The following TENT2 variants were observed in gnomAD, a reference collection of about 807,000 sequenced individuals.
TENT2 encodes terminal nucleotidyltransferase 2.
TENT2 carries 44 observed loss-of-function variants against 72.2 expected under a neutral mutation model. That is an observed-to-expected ratio of 0.61 (90% CI 0.48 to 0.78). TENT2 has a LOEUF of 0.78. Among genes scored for constraint, TENT2 ranks in the 30% least tolerant of loss-of-function variants. TENT2 has a pLI of 0.00. For missense variants in TENT2, 541 were observed against 569.6 expected (o/e 0.95, Z 0.51); for synonymous variants, 212 against 192.5 (o/e 1.10, Z -0.84).
chr5:79,622,415 G>A (rs1196710200), intron 3 of TENT2, among the ~76,000 whole-genome samples: 2 of 152,246 alleles, frequency 1.3e-5, no homozygotes, highest in East Asian at 3.9e-4. Context: ...TGAAGTAAAT[G>A]TCTTTTTTCC....
At chr5:79,667,991 T>C (rs927781201) in intron 11 of TENT2, among the ~76,000 whole-genome samples, 4 of 150,802 alleles carry the variant, frequency 2.7e-5, no homozygotes, top group East Asian at 3.9e-4. Flanking sequence ...AGTGGAGAAA[T>C]ACAGAAAACC....
intron 1 of TENT2, among the ~76,000 whole-genome samples, chr5:79,615,928 G>T (rs892725071): frequency 6.6e-6 from 1 of 151,322 alleles, no homozygotes; most frequent in Non-Finnish European, 1.5e-5. Context: ...TCGTTTTTTC[G>T]CCCAGGCTGG....
chr5:79,670,495 T>C (rs1561575715), intron 12 of TENT2, among the ~76,000 whole-genome samples: 1 of 151,484 alleles, frequency 6.6e-6, no homozygotes, highest in Non-Finnish European at 1.5e-5. Context: ...TGGCTAATTT[T>C]TGTATTTTTA....
rs1462365721 is a variant in TENT2 at position 79,686,406 on chromosome 5, T to C, written c.*1133T>C. 6.6e-6 allele frequency: 1 copy of C among 152,136 alleles called. No individual in the cohort carries two copies. Among genetic ancestry groups the C allele is most frequent in the Admixed American group, 6.5e-5 (1 of 15,274 alleles). 9.4% of individuals were successfully genotyped at this position (152,136 alleles called of 1,614,324 possible). A position where few individuals can be genotyped will look rare whatever the true frequency, so the allele number is the denominator to read the frequency against. On this transcript the variant is annotated 3_prime_UTR_variant, in exon 15 of 15. Transcript: ENST00000453514. ...ATATTTGTAAATTGGTCAGTGCCTG[T>C]AAATTTAAATATAAAAAGTAACCTT...
At chr5:79,677,983 A>G (rs1418867630) in intron 12 of TENT2, among the ~76,000 whole-genome samples, 1 of 152,150 alleles carries the variant, frequency 6.6e-6, no homozygotes, top group Non-Finnish European at 1.5e-5. Context: ...TTTAGTAGAG[A>G]CATTTGAAAC....
At chr5:79,650,547 TG>T (rs1793034600) in intron 10 of TENT2, among the ~76,000 whole-genome samples, 1 of 152,114 alleles carries the variant, frequency 6.6e-6, no homozygotes, top group Non-Finnish European at 1.5e-5. Context: ...TTGCATTGTT[TG>T]GTGCTCCTTG....
intron 1 of TENT2, among the ~76,000 whole-genome samples, chr5:79,613,769 G>A (rs569543632): frequency 2.0e-5 from 3 of 152,266 alleles, no homozygotes; most frequent in Admixed American, 2.0e-4. Flanking sequence ...TTAACCAAAA[G>A]GAATATCCTG....
rs577720552 is a variant in TENT2 at position 79,666,506 on chromosome 5, C to T, written c.1072-2386C>T. On this transcript the variant is annotated intron_variant, in intron 11 of 14. Transcript: ENST00000453514. Reference sequence around the variant, plus strand: ...TGGAACGACAGCAGTCATCACCATGCCCAGCTAATCTTTCTATTTTTTTTA... The same window carrying T: ...TGGAACGACAGCAGTCATCACCATGTCCAGCTAATCTTTCTATTTTTTTTA... 5.9e-5 allele frequency among the ~76,000 whole-genome samples: 9 copies of T among 151,852 alleles called. No individual in the cohort carries two copies. The South Asian group carries it at 1.3e-3, about 21-fold the overall frequency.
chr5:79,635,165 A>C (rs1439532485), intron 4 of TENT2, among the ~76,000 whole-genome samples: 1 of 152,208 alleles, frequency 6.6e-6, no homozygotes, highest in Non-Finnish European at 1.5e-5. Context: ...GAACTATAAC[A>C]ACAGTGAGCC....
At chr5:79,651,840 G>A (rs6882641) in intron 10 of TENT2, among the ~76,000 whole-genome samples, 9,453 of 151,906 alleles carry the variant, frequency 0.062, 498 homozygotes, top group Admixed American at 0.16. Context: ...AACCTTGTCC[G>A]TTCTTGGTAA....
intron 12 of TENT2, 104 bp downstream of exon 12, chr5:79,669,132 CAGG>C: frequency 7.3e-7 from 1 of 1,361,378 alleles, no homozygotes; most frequent in South Asian, 1.6e-5. Flanking sequence ...CAGATTTAGT[CAGG>C]AGCTGTGTTT....
Position 79,668,920 on chromosome 5 carries a change from A to G in TENT2, c.1100A>G (p.His367Arg), listed in dbSNP as rs1810662614. 2.5e-6 allele frequency: 4 copies of G among 1,613,548 alleles called. No homozygotes were observed. The highest frequency in any genetic ancestry group is 3.4e-6 in the Non-Finnish European group (4 of 1,179,762). The stretch of plus-strand genomic sequence containing the variant: ...TCTTTTAGTCCTGCTATACAGCTGC[A>G]CCTTGTACATCAAGCTCCATGTAAT... ...PESFSPAIQL[H>R]LVHQAPCNVP... The change falls in exon 12 of 15, where the codon CAC becomes CGC. Residue 367 changes from histidine to arginine, a missense_variant. His to Arg is a conservative substitution (Grantham distance 29). Coordinates refer to ENST00000453514, the MANE Select transcript of TENT2 (RefSeq NM_001114394.3).
chr5:79,636,680 A>G (rs1003526525), intron 4 of TENT2, among the ~76,000 whole-genome samples: 3 of 152,158 alleles, frequency 2.0e-5, no homozygotes, highest in African/African-American at 7.2e-5. Flanking sequence ...CTAAAGGTCA[A>G]TTCTGGGAGA....
intron 3 of TENT2, among the ~76,000 whole-genome samples, chr5:79,622,717 T>C (rs541288882): frequency 6.6e-6 from 1 of 152,314 alleles, no homozygotes; most frequent in African/African-American, 2.4e-5. Flanking sequence ...TCCTGAGAAA[T>C]TTAATATTAA....
At position 79,622,194 on chromosome 5, in the gene TENT2, A is replaced by G. The variant is rs548927405; in HGVS notation, c.228-1058A>G. Among the ~76,000 whole-genome samples the G allele has an allele frequency of 6.7e-3, 1,023 of 152,192 alleles. 13 individuals are homozygous for G. The highest frequency in any genetic ancestry group is 0.023 in the African/African-American group (954 of 41,540). On this transcript the variant is annotated intron_variant, in intron 3 of 14. Coordinates refer to ENST00000453514, the MANE Select transcript of TENT2 (RefSeq NM_001114394.3). Reference sequence around the variant, plus strand: ...CGGGCGCCTGTAGTCCCAGCTACTCAGGCGGCTGAGGCAGGAGAATACCTG... The same window carrying G: ...CGGGCGCCTGTAGTCCCAGCTACTCGGGCGGCTGAGGCAGGAGAATACCTG...
Position 79,627,146 on chromosome 5 carries a change from C to G in TENT2, c.465+3657C>G, listed in dbSNP as rs1017450280. On this transcript the variant is annotated intron_variant, in intron 4 of 14. Coordinates refer to ENST00000453514, the MANE Select transcript of TENT2 (RefSeq NM_001114394.3). ...CTCCGTCTCAAAAAAAAAAAAAAAT[C>G]TTTTACTGTTTTTTTAAGGTATGTA... Among the ~76,000 whole-genome samples the G allele has an allele frequency of 6.7e-4, 93 of 138,832 alleles. 2 individuals carry two copies. Among genetic ancestry groups the G allele is most frequent in the African/African-American group, 2.2e-3 (76 of 34,664 alleles). 91.1% of individuals were successfully genotyped at this position (138,832 alleles called of 152,430 possible).
chr5:79,613,380 CTG>C (rs1273393437), intron 1 of TENT2, among the ~76,000 whole-genome samples: 6 of 152,168 alleles, frequency 3.9e-5, no homozygotes, highest in African/African-American at 1.2e-4. Flanking sequence ...CAAAGGGAAA[CTG>C]TAAAACACAA....
Position 79,681,971 on chromosome 5 carries a change from TA to T in TENT2, c.1301-9del. 6.2e-7 allele frequency: 1 copy of T among 1,603,620 alleles called. No individual in the cohort carries two copies. Among genetic ancestry groups the T allele is most frequent in the Non-Finnish European group, 8.5e-7 (1 of 1,175,628 alleles). Reference sequence around the variant, plus strand: ...ATAATTTTTCCTTTACATTTGCATTTAACATTGCAGAACCTTTTGATGGAAC... The same window carrying T: ...ATAATTTTTCCTTTACATTTGCATTTACATTGCAGAACCTTTTGATGGAAC... On this transcript the variant is annotated splice_polypyrimidine_tract_variant and intron_variant, in intron 13 of 14. Coordinates refer to ENST00000453514, the MANE Select transcript of TENT2 (RefSeq NM_001114394.3).
chr5:79,679,546 T>C, intron 12 of TENT2, 33 bp from the exon 13 acceptor site: 1 of 1,437,800 alleles, frequency 7.0e-7, no homozygotes, highest in Non-Finnish European at 9.5e-7. Context: ...ATTATGAAAA[T>C]AGTTAACATG....
Sources: gnomAD v4.1 joint callset for allele counts (sites outside exome capture counted in the v4.1 genomes callset) on GRCh38, gnomAD v4.1.1 for gene constraint, MANE v1.5 for transcripts, NCBI Gene and HGNC (gene_info 2026-07-23, HGNC 2026-07-21) for gene names.